OTUD7A: variants seen among roughly 807,000 people sequenced by gnomAD.
OTUD7A encodes OTU deubiquitinase 7A.
In OTUD7A, 12 loss-of-function variants were observed where a neutral mutation model predicts 65.7. The ratio of observed to expected loss-of-function variants is 0.18; its 90% CI spans 0.12 to 0.30. The LOEUF is 0.30. Among genes scored for constraint, OTUD7A ranks in the 10% least tolerant of loss-of-function variants. OTUD7A has a pLI of 1.00. For missense variants in OTUD7A, 1,148 were observed against 1,304.8 expected, an observed-to-expected ratio of 0.88 and a Z score of 1.85; for synonymous variants, 641 against 586.3, an observed-to-expected ratio of 1.09 and a Z score of -1.35.
chr15:31,533,234 AT>A (rs71110888), intron 5 of OTUD7A, among the ~76,000 whole-genome samples: 9,758 of 135,792 alleles, frequency 0.072, 776 homozygotes, highest in African/African-American at 0.25. Context: ...AGCAGGATAA[AT>A]TTTTTTTTTT....
chr15:31,577,602 T>G (rs539486466), intron 3 of OTUD7A, among the ~76,000 whole-genome samples: 5 of 152,238 alleles, frequency 3.3e-5, no homozygotes, highest in African/African-American at 1.2e-4. Flanking sequence ...TGTAACCTGA[T>G]CACCTTGGGC....
intron 1 of OTUD7A, among the ~76,000 whole-genome samples, chr15:31,800,767 C>A (rs894603434): frequency 1.1e-4 from 16 of 152,122 alleles, no homozygotes; most frequent in African/African-American, 3.9e-4. Flanking sequence ...GCAGCCCCAG[C>A]GTTTTTTTGT....
intron 1 of OTUD7A, among the ~76,000 whole-genome samples, chr15:31,781,157 A>G (rs1266125697): frequency 6.6e-6 from 1 of 152,152 alleles, no homozygotes. Flanking sequence ...CAGGACTGCT[A>G]GGATCAATAG....
chr15:31,728,085 TCA>T (rs1893942810), intron 1 of OTUD7A, among the ~76,000 whole-genome samples: 1 of 152,214 alleles, frequency 6.6e-6, no homozygotes, highest in African/African-American at 2.4e-5. Flanking sequence ...CTTGGATACC[TCA>T]CAGTTATTGC....
chr15:31,854,762 A>C (rs932717318), intron 1 of OTUD7A, among the ~76,000 whole-genome samples: 1 of 152,100 alleles, frequency 6.6e-6, no homozygotes, highest in Admixed American at 6.5e-5. Context: ...GGGGATTAGG[A>C]TACTGACATC....
chr15:31,658,139 T>C (rs556906622), intron 1 of OTUD7A, among the ~76,000 whole-genome samples: 1 of 152,318 alleles, frequency 6.6e-6, no homozygotes, highest in African/African-American at 2.4e-5. Flanking sequence ...TGTGCCTCAG[T>C]TTCCTCATCA....
rs141409525 is a variant in OTUD7A, at chr15:31,843,283, C to G, written c.-100+27224G>C. ...CCCAGTGACAAGACATTTTTTTTTT[C>G]TGATCATAGCATTATAACTCAAGAC... On this transcript the variant is annotated intron_variant, in intron 1 of 12. Coordinates refer to ENST00000307050, the MANE Select transcript of OTUD7A (RefSeq NM_001382637.1). Among the ~76,000 whole-genome samples the G allele has an allele frequency of 5.3e-4, 75 of 142,562 alleles. No homozygotes were observed. The East Asian group carries it at 0.012, about 22-fold the overall frequency. The allele number at this position is 142,562 out of a possible 152,430, so 93.5% of individuals were successfully genotyped here.
At chr15:31,724,875 A>G (rs1197413262) in intron 1 of OTUD7A, among the ~76,000 whole-genome samples, 1 of 152,084 alleles carries the variant, frequency 6.6e-6, no homozygotes, top group East Asian at 1.9e-4. Context: ...AGCTACAATT[A>G]AGTCAAGAGA....
At chr15:31,641,321 CT>C (rs1213586690) in intron 3 of OTUD7A, among the ~76,000 whole-genome samples, 1 of 152,164 alleles carries the variant, frequency 6.6e-6, no homozygotes, top group Non-Finnish European at 1.5e-5. Context: ...AGCCTCTTTC[CT>C]TTATAAATTA....
rs751879945 is a variant in OTUD7A, at chr15:31,501,730, G to A, written c.1131C>T (p.Ala377=). The change falls in exon 10 of 13, where the codon GCC becomes GCT. Residue 377 remains alanine (A), a synonymous_variant. Coordinates refer to ENST00000307050, the MANE Select transcript of OTUD7A (RefSeq NM_001382637.1). ...VLAYDQAHFS[A]LVSMEQRDQQ... The stretch of plus-strand genomic sequence containing the variant: ...GGTCTCTCTGTTCCATGGACACAAG[G>A]GCAGAGAAATGGGCTTGATCATAGG... The A allele has an allele frequency of 3.7e-6, 6 of 1,614,160 alleles. No individual in the cohort carries two copies. Among genetic ancestry groups the A allele is most frequent in the East Asian group, 2.2e-5 (1 of 44,876 alleles).
At chr15:31,521,961 C>G (rs1004508610) in intron 8 of OTUD7A, among the ~76,000 whole-genome samples, 2 of 152,166 alleles carry the variant, frequency 1.3e-5, no homozygotes, top group African/African-American at 4.8e-5. Flanking sequence ...GTTTAAAGAA[C>G]AAAAATGATT....
chr15:31,630,724 G>A (rs1352702063), intron 3 of OTUD7A, among the ~76,000 whole-genome samples: 1 of 152,120 alleles, frequency 6.6e-6, no homozygotes, highest in African/African-American at 2.4e-5. Context: ...GGGAGTCTAA[G>A]TCTCTTTGTA....
At chr15:31,816,626 A>G (rs1386974317) in intron 1 of OTUD7A, among the ~76,000 whole-genome samples, 6 of 152,208 alleles carry the variant, frequency 3.9e-5, no homozygotes, top group African/African-American at 1.2e-4. Context: ...CCTGGGAGGC[A>G]GAGCTTGCAG....
chr15:31,766,662 A>G (rs919632611), intron 1 of OTUD7A: 1 of 1,602,016 alleles, frequency 6.2e-7, no homozygotes, highest in African/African-American at 1.3e-5. Context: ...GAGACCTTCA[A>G]AGCTGTTCTG....
At chr15:31,866,694 T>C (rs540892224) in intron 1 of OTUD7A, among the ~76,000 whole-genome samples, 1 of 152,330 alleles carries the variant, frequency 6.6e-6, no homozygotes, top group South Asian at 2.1e-4. Context: ...GCATATCTTA[T>C]TCCCATTTTG....
At chr15:31,526,486 A>G in intron 7 of OTUD7A, 25 bp from the exon 8 acceptor site, 1 of 1,532,604 alleles carries the variant, frequency 6.5e-7, no homozygotes. Context: ...CCGGCTCAGA[A>G]GGGGGGTGGG....
At chr15:31,859,604 G>A (rs1897668189) in intron 1 of OTUD7A, among the ~76,000 whole-genome samples, 1 of 152,178 alleles carries the variant, frequency 6.6e-6, no homozygotes, top group Admixed American at 6.5e-5. Flanking sequence ...AGGAACTCAT[G>A]GTCCTCCCTG....
At chr15:31,574,765 C>A (rs79921021) in intron 3 of OTUD7A, among the ~76,000 whole-genome samples, 3,673 of 152,246 alleles carry the variant, frequency 0.024, 182 homozygotes, top group African/African-American at 0.084. Context: ...AGATGACAAA[C>A]TACTTTTCTG....
At chr15:31,550,630 T>C (rs1337113057) in intron 5 of OTUD7A, among the ~76,000 whole-genome samples, 3 of 152,140 alleles carry the variant, frequency 2.0e-5, no homozygotes, top group African/African-American at 4.8e-5. Flanking sequence ...CTTGAGAGAC[T>C]ATGAGCAGAG....
Sources: gnomAD v4.1 joint callset for allele counts (sites outside exome capture counted in the v4.1 genomes callset) on GRCh38, gnomAD v4.1.1 for gene constraint, MANE v1.5 for transcripts, NCBI Gene and HGNC (gene_info 2026-07-23, HGNC 2026-07-21) for gene names.